Variants in MRPS6 observed in about 807,000 individuals in gnomAD.
The protein encoded by MRPS6 is mitochondrial ribosomal protein S6, also known as small ribosomal subunit protein bS6m.
MRPS6 carries 6 observed loss-of-function variants against 13.1 expected under a neutral mutation model. The observed-to-expected ratio is 0.46, with a 90% CI of 0.25 to 0.91. MRPS6 has a LOEUF of 0.91. MRPS6 is among the 40% of genes least tolerant of loss of function. The pLI is 0.18. For synonymous variants in MRPS6, 61 were observed against 56.5 expected (o/e 1.08, Z -0.36); for missense variants, 164 against 155.6 (o/e 1.05, Z -0.29).
At position 34,073,618 on chromosome 21, in the gene MRPS6, G is replaced by C. The variant is rs551668379; in HGVS notation, c.-83G>C. Reference sequence around the variant, plus strand: ...GAGCCGTCCGGCGCAGCAGTTTCTAGGTCCCCACTGTCCCCGCCGTCCCGC... The same window carrying C: ...GAGCCGTCCGGCGCAGCAGTTTCTACGTCCCCACTGTCCCCGCCGTCCCGC... On this transcript the variant is annotated 5_prime_UTR_variant, in exon 1 of 3. Transcript: ENST00000399312. The C allele has an allele frequency of 5.7e-5, 71 of 1,250,518 alleles. No homozygotes were observed. The highest frequency in any genetic ancestry group is 5.6e-5 in the Non-Finnish European group (50 of 900,768). 77.5% of individuals were successfully genotyped at this position (1,250,518 alleles called of 1,614,324 possible).
intron 2 of MRPS6, among the ~76,000 whole-genome samples, chr21:34,140,061 G>A (rs1306573590): frequency 6.6e-6 from 1 of 151,808 alleles, no homozygotes; most frequent in East Asian, 1.9e-4. Context: ...TCAATTTTAC[G>A]AATCTTCTCC....
intron 2 of MRPS6, among the ~76,000 whole-genome samples, chr21:34,137,703 G>A (rs973833181): frequency 3.9e-5 from 6 of 152,042 alleles, no homozygotes; most frequent in Non-Finnish European, 7.4e-5. Flanking sequence ...TCACCAGCTG[G>A]TGAAATGTCA....
chr21:34,099,176 T>C (rs111559907), intron 1 of MRPS6: 1 of 999,592 alleles, frequency 1.0e-6, no homozygotes, highest in African/African-American at 1.7e-5. Context: ...CTGAAGAGCT[T>C]AGAGTGCCTT....
intron 1 of MRPS6, among the ~76,000 whole-genome samples, chr21:34,091,220 T>C (rs551699360): frequency 6.6e-6 from 1 of 151,032 alleles, no homozygotes; most frequent in Non-Finnish European, 1.5e-5. Flanking sequence ...AAGAGGTGGT[T>C]GTTTGGTCAC....
At chr21:34,107,118 GAT>G (rs1024156991) in intron 1 of MRPS6, among the ~76,000 whole-genome samples, 3 of 152,176 alleles carry the variant, frequency 2.0e-5, no homozygotes, top group African/African-American at 7.2e-5. Flanking sequence ...TTTTAGTAGA[GAT>G]ATGGTTTTGC....
In MRPS6 at chr21:34,081,149, G is replaced by A. The variant is rs139013116; in HGVS notation, c.45+7404G>A. 7.2e-5 allele frequency among the ~76,000 whole-genome samples: 11 copies of A among 152,274 alleles called. 1 individual carries two copies. Among genetic ancestry groups the A allele is most frequent in the Non-Finnish European group, 1.5e-4 (10 of 68,028 alleles). On this transcript the variant is annotated intron_variant, in intron 1 of 2. Coordinates refer to ENST00000399312, the MANE Select transcript of MRPS6 (RefSeq NM_032476.4). Reference sequence around the variant, plus strand: ...GGGAAGAAAAATAACTAGGAGGATTGTGTATGTGGAGTGTTTTACAAGGAT... The same window carrying A: ...GGGAAGAAAAATAACTAGGAGGATTATGTATGTGGAGTGTTTTACAAGGAT...
At chr21:34,136,967 A>T (rs1002979122) in intron 2 of MRPS6, among the ~76,000 whole-genome samples, 2 of 152,294 alleles carry the variant, frequency 1.3e-5, no homozygotes, top group East Asian at 3.9e-4. Context: ...TGGATACTGG[A>T]TTATTTTAGC....
chr21:34,080,110 A>G (rs1169603140), intron 1 of MRPS6, among the ~76,000 whole-genome samples: 1 of 152,158 alleles, frequency 6.6e-6, no homozygotes, highest in African/African-American at 2.4e-5. Context: ...TGAGGGGAGG[A>G]TAGCTAATAC....
At chr21:34,122,475 T>A (rs1188538209) in intron 1 of MRPS6, 4 of 152,144 alleles carry the variant, frequency 2.6e-5, no homozygotes, top group Admixed American at 6.5e-5. Flanking sequence ...TTTTTTTTTT[T>A]ATATTTTCCT....
intron 1 of MRPS6, among the ~76,000 whole-genome samples, chr21:34,080,315 C>G (rs1011135156): frequency 2.6e-5 from 4 of 152,220 alleles, no homozygotes; most frequent in African/African-American, 9.6e-5. Flanking sequence ...GAAGTCACAT[C>G]CAAGGCTGTC....
chr21:34,108,903 C>T (rs969040758), intron 1 of MRPS6, among the ~76,000 whole-genome samples: 1 of 152,142 alleles, frequency 6.6e-6, no homozygotes, highest in African/African-American at 2.4e-5. Context: ...TATGGCAGCT[C>T]CGTGCTGGGA....
chr21:34,090,193 G>A (rs995572530), intron 1 of MRPS6, among the ~76,000 whole-genome samples: 2 of 152,234 alleles, frequency 1.3e-5, no homozygotes, highest in Non-Finnish European at 2.9e-5. Context: ...GTTCAGGCCA[G>A]TTATATTAGG....
rs554522411 is a variant in MRPS6, at chr21:34,080,688, T to C, written c.45+6943T>C. Among the ~76,000 whole-genome samples the C allele has an allele frequency of 5.3e-5, 8 of 152,350 alleles. No individual in the cohort carries two copies. In the South Asian group the frequency reaches 1.2e-3, roughly 24 times the overall value. On this transcript the variant is annotated intron_variant, in intron 1 of 2. Coordinates refer to ENST00000399312, the MANE Select transcript of MRPS6 (RefSeq NM_032476.4). ...TCTACTTTGTATTACAGTTAATTGG[T>C]GAATATGTTTTACCTCCTTTGCTAG... is the stretch of plus-strand genomic sequence containing the variant.
Position 34,102,065 on chromosome 21 carries a change from C to G in MRPS6, c.46-23276C>G, listed in dbSNP as rs1010935717. On this transcript the variant is annotated intron_variant, in intron 1 of 2. Coordinates refer to ENST00000399312, the MANE Select transcript of MRPS6 (RefSeq NM_032476.4). ...GCTGGATTGTGAAAAGGTAATCTTT[C>G]GATTGCTAGACTTGGTTAACTTAGG... is the stretch of plus-strand genomic sequence containing the variant. The G allele has an allele frequency of 8.6e-5, 86 of 999,858 alleles. No homozygotes were observed. In the African/African-American group the frequency reaches 1.4e-3, roughly 17 times the overall value. 61.9% of individuals were successfully genotyped at this position (999,858 alleles called of 1,614,324 possible).
intron 1 of MRPS6, chr21:34,102,557 T>G: frequency 1.0e-6 from 1 of 1,000,032 alleles, no homozygotes; most frequent in Non-Finnish European, 1.2e-6. Flanking sequence ...TGCACTTTAC[T>G]TTTTGGGCAG....
At chr21:34,078,202 CTCTT>C (rs1333015083) in intron 1 of MRPS6, among the ~76,000 whole-genome samples, 1 of 152,046 alleles carries the variant, frequency 6.6e-6, no homozygotes, top group Non-Finnish European at 1.5e-5. Flanking sequence ...TTAATAATCT[CTCTT>C]TGTGTTTTAT....
intron 1 of MRPS6, chr21:34,103,504 G>A: frequency 1.0e-6 from 1 of 999,248 alleles, no homozygotes; most frequent in Non-Finnish European, 1.2e-6. Flanking sequence ...TAGGTTGATA[G>A]GTATATCGAG....
At chr21:34,082,813 T>C (rs1014368670) in intron 1 of MRPS6, among the ~76,000 whole-genome samples, 1 of 152,236 alleles carries the variant, frequency 6.6e-6, no homozygotes, top group African/African-American at 2.4e-5. Flanking sequence ...AGGTTGTTCT[T>C]ACGTACGTTT....
At chr21:34,116,438 G>T (rs940176551) in intron 1 of MRPS6, among the ~76,000 whole-genome samples, 1 of 151,136 alleles carries the variant, frequency 6.6e-6, no homozygotes, top group African/African-American at 2.4e-5. Flanking sequence ...TGGTTGTATC[G>T]TACTTATTCA....
Sources: gnomAD v4.1 joint callset for allele counts (sites outside exome capture counted in the v4.1 genomes callset) on GRCh38, gnomAD v4.1.1 for gene constraint, MANE v1.5 for transcripts, NCBI Gene and HGNC (gene_info 2026-07-23, HGNC 2026-07-21) for gene names.